Variants in TAFA4 observed in about 807,000 individuals in gnomAD.
TAFA4 encodes TAFA chemokine like family member 4.
A neutral mutation model predicts 21.1 loss-of-function variants in TAFA4; 20 were observed. The observed-to-expected ratio is 0.95, with a 90% CI of 0.67 to 1.38. The LOEUF is 1.38. Ranked by LOEUF, TAFA4 falls within the 40% of genes most tolerant of loss-of-function variation. TAFA4 has a pLI of 0.00. For missense variants in TAFA4, 211 were observed against 180.9 expected, an observed-to-expected ratio of 1.17 and a Z score of -0.95; for synonymous variants, 71 against 67.4, an observed-to-expected ratio of 1.05 and a Z score of -0.26.
chr3:68,777,686 G>A (rs1387731), intron 3 of TAFA4, among the ~76,000 whole-genome samples: 104,462 of 151,946 alleles, frequency 0.69, 36,437 homozygotes, highest in East Asian at 0.99. Flanking sequence ...TAAAAGTAGA[G>A]AACAAATAGT....
intron 3 of TAFA4, among the ~76,000 whole-genome samples, chr3:68,831,005 T>A (rs1704373688): frequency 6.6e-6 from 1 of 152,218 alleles, no homozygotes; most frequent in African/African-American, 2.4e-5. Context: ...AGACCAGGAT[T>A]GCAACCCCTG....
intron 3 of TAFA4, among the ~76,000 whole-genome samples, chr3:68,873,783 G>A (rs2089516130): frequency 1.3e-5 from 2 of 152,258 alleles, no homozygotes; most frequent in South Asian, 2.1e-4. Context: ...GAGCAAAGGA[G>A]ACTTTTCCAA....
chr3:68,895,687 A>T (rs1053215263), intron 1 of TAFA4, among the ~76,000 whole-genome samples: 2 of 152,154 alleles, frequency 1.3e-5, no homozygotes, highest in Admixed American at 1.3e-4. Flanking sequence ...CTGCATGATT[A>T]ATTCAACAAG....
intron 1 of TAFA4, among the ~76,000 whole-genome samples, chr3:68,905,613 A>C (rs2089891717): frequency 6.6e-6 from 1 of 152,174 alleles, no homozygotes; most frequent in Non-Finnish European, 1.5e-5. Flanking sequence ...TGTCATTTTC[A>C]GTTGGAGCCT....
intron 5 of TAFA4, 73 bp from the exon 6 acceptor site, chr3:68,733,226 C>A: frequency 1.3e-6 from 2 of 1,563,430 alleles, no homozygotes; most frequent in Admixed American, 1.8e-5. Context: ...CCCCCGAGAC[C>A]AATAAGGTCC....
At chr3:68,771,919 C>T (rs970058915) in intron 3 of TAFA4, among the ~76,000 whole-genome samples, 3 of 152,150 alleles carry the variant, frequency 2.0e-5, no homozygotes, top group Non-Finnish European at 2.9e-5. Context: ...AAGAGAATTG[C>T]TTCTTCAAAA....
intron 3 of TAFA4, among the ~76,000 whole-genome samples, chr3:68,754,158 A>C (rs187391277): frequency 3.3e-5 from 5 of 152,348 alleles, no homozygotes; most frequent in Admixed American, 2.0e-4. Context: ...ATTTTCTAAA[A>C]ACAAAGACAT....
intron 1 of TAFA4, among the ~76,000 whole-genome samples, chr3:68,906,322 ACTGCTTT>A (rs2089900391): frequency 6.6e-6 from 1 of 152,218 alleles, no homozygotes; most frequent in Admixed American, 6.5e-5. Context: ...TTGCCAGTTG[ACTGCTTT>A]TTACTTTCAA....
chr3:68,747,402 G>A (rs1702478556), intron 4 of TAFA4, among the ~76,000 whole-genome samples: 1 of 151,884 alleles, frequency 6.6e-6, no homozygotes, highest in Non-Finnish European at 1.5e-5. Context: ...TTCCCATGCT[G>A]TTCTTGTGAT....
intron 1 of TAFA4, among the ~76,000 whole-genome samples, chr3:68,887,694 G>A (rs571830367): frequency 6.6e-6 from 1 of 152,166 alleles, no homozygotes; most frequent in African/African-American, 2.4e-5. Flanking sequence ...AGCTGTACCT[G>A]GGCCTGCTTG....
chr3:68,916,611 A>T (rs1037179587), intron 1 of TAFA4, among the ~76,000 whole-genome samples: 1 of 152,202 alleles, frequency 6.6e-6, no homozygotes, highest in African/African-American at 2.4e-5. Flanking sequence ...TGCCCTAGAA[A>T]ATAAAAGCTT....
At chr3:68,755,721 G>A (rs561688713) in intron 3 of TAFA4, among the ~76,000 whole-genome samples, 9 of 152,316 alleles carry the variant, frequency 5.9e-5, no homozygotes, top group Non-Finnish European at 1.2e-4. Context: ...CCTACAGCCA[G>A]GCCCAGGTGG....
intron 3 of TAFA4, among the ~76,000 whole-genome samples, chr3:68,787,117 A>G (rs934195071): frequency 6.6e-5 from 10 of 152,228 alleles, no homozygotes; most frequent in African/African-American, 2.2e-4. Context: ...ATTAAAGAAG[A>G]GTCAGTTGAG....
intron 3 of TAFA4, among the ~76,000 whole-genome samples, chr3:68,808,480 AT>A (rs1329713450): frequency 6.6e-6 from 1 of 152,226 alleles, no homozygotes; most frequent in Non-Finnish European, 1.5e-5. Flanking sequence ...CCTTAAAAAA[AT>A]AATCTACTGC....
intron 3 of TAFA4, among the ~76,000 whole-genome samples, chr3:68,878,385 G>T (rs2089578260): frequency 6.6e-6 from 1 of 152,168 alleles, no homozygotes; most frequent in Admixed American, 6.5e-5. Flanking sequence ...AAGATGCTTT[G>T]TGTCCCAACT....
At chr3:68,922,127 T>A (rs1482560404) in intron 1 of TAFA4, among the ~76,000 whole-genome samples, 2 of 152,224 alleles carry the variant, frequency 1.3e-5, no homozygotes, top group African/African-American at 4.8e-5. Context: ...ACCTTATTTT[T>A]ATAAAAATCT....
At chr3:68,804,832 C>A (rs1703658960) in intron 3 of TAFA4, among the ~76,000 whole-genome samples, 1 of 152,122 alleles carries the variant, frequency 6.6e-6, no homozygotes, top group African/African-American at 2.4e-5. Context: ...ACATGTTAGA[C>A]CTAAAACCAT....
At chr3:68,796,950 T>G (rs1703463725) in intron 3 of TAFA4, among the ~76,000 whole-genome samples, 1 of 152,162 alleles carries the variant, frequency 6.6e-6, no homozygotes, top group Non-Finnish European at 1.5e-5. Context: ...TCCCTTTCAT[T>G]ACAATGACTA....
intron 3 of TAFA4, among the ~76,000 whole-genome samples, chr3:68,824,793 G>A (rs1172679816): frequency 6.6e-6 from 1 of 152,082 alleles, no homozygotes; most frequent in Non-Finnish European, 1.5e-5. Context: ...GGCAGCAAGG[G>A]GCAGAACTAG....
Sources: gnomAD v4.1 joint callset for allele counts (sites outside exome capture counted in the v4.1 genomes callset) on GRCh38, gnomAD v4.1.1 for gene constraint, MANE v1.5 for transcripts, NCBI Gene and HGNC (gene_info 2026-07-23, HGNC 2026-07-21) for gene names.